SMAD1: variants seen among roughly 807,000 people sequenced by gnomAD.
SMAD1 encodes MAD, mothers against decapentaplegic homolog 1.
In SMAD1, 6 loss-of-function variants were observed where a neutral mutation model predicts 41.6. The ratio of observed to expected loss-of-function variants is 0.14; its 90% CI spans 0.08 to 0.28. The LOEUF is 0.28. Ranked by LOEUF, SMAD1 falls within the 10% of genes least tolerant of loss-of-function variation. The probability of loss-of-function intolerance (pLI) is 1.00; values close to 1 mark genes in which losing one functional copy is unlikely to be tolerated. For synonymous variants in SMAD1, 206 were observed against 203.2 expected, an observed-to-expected ratio of 1.01 and a Z score of -0.12; for missense variants, 379 against 582.6, an observed-to-expected ratio of 0.65 and a Z score of 3.60.
At chr4:145,511,732 C>T (rs1421237042) in intron 1 of SMAD1, among the ~76,000 whole-genome samples, 3 of 152,286 alleles carry the variant, frequency 2.0e-5, no homozygotes, top group Admixed American at 6.5e-5. Context: ...CTTCATATAT[C>T]TCTTTTTGCT....
intron 1 of SMAD1, chr4:145,497,194 C>T (rs1729127631): frequency 6.6e-6 from 1 of 152,196 alleles, no homozygotes; most frequent in African/African-American, 2.4e-5. Flanking sequence ...AGTAAGGCTG[C>T]TTTGGATTAT....
At chr4:145,490,442 T>C (rs1728711639) in intron 1 of SMAD1, among the ~76,000 whole-genome samples, 1 of 152,154 alleles carries the variant, frequency 6.6e-6, no homozygotes, top group Non-Finnish European at 1.5e-5. Flanking sequence ...AGGCAATCTA[T>C]AGAGAAGTCA....
In SMAD1 at chr4:145,557,802, A is replaced by G. The variant is rs778392472; in HGVS notation, c.1266A>G (p.Ala422=). The change falls in exon 7 of 7, where the codon GCA becomes GCG. Residue 422 remains alanine (A), a synonymous_variant. Transcript: ENST00000302085. The stretch of plus-strand genomic sequence containing the variant: ...TATGTTTTTCCTAGGGCTGGGGAGC[A>G]GAATACCACCGCCAGGATGTTACTA... ...IRMSFVKGWG[A]EYHRQDVTST... is the part of the protein sequence containing the mutation. 3.7e-6 allele frequency: 6 copies of G among 1,607,786 alleles called. No homozygotes were observed. The Admixed American group carries it at 5.0e-5, about 13-fold the overall frequency.
rs1578811738 is a variant in SMAD1, at chr4:145,539,853, C to T, written c.450C>T (p.His150=). The T allele has an allele frequency of 6.2e-7, 1 of 1,614,094 alleles. No homozygotes were observed. The change falls in exon 3 of 7, where the codon CAC becomes CAT. Residue 150 remains histidine (H), a synonymous_variant. Coordinates refer to ENST00000302085, the MANE Select transcript of SMAD1 (RefSeq NM_005900.3). ...GACACAGCGAATATAATCCTCAGCA[C>T]AGCCTCTTAGCTCAGTTCCGTAACT... is the stretch of plus-strand genomic sequence containing the variant. ...VPRHSEYNPQ[H]SLLAQFRNLG... is the part of the protein sequence containing the mutation.
At chr4:145,501,647 T>C (rs1300686782) in intron 1 of SMAD1, among the ~76,000 whole-genome samples, 2 of 152,120 alleles carry the variant, frequency 1.3e-5, no homozygotes, top group African/African-American at 4.8e-5. Context: ...GTTTCTTTTT[T>C]TTTTTTTAAA....
At chr4:145,533,212 C>G (rs927403180) in intron 2 of SMAD1, among the ~76,000 whole-genome samples, 1 of 152,184 alleles carries the variant, frequency 6.6e-6, no homozygotes, top group African/African-American at 2.4e-5. Context: ...GGCAGCTGTT[C>G]CAGACCTGTC....
Position 145,482,223 on chromosome 4 carries a change from A to ACCCC in SMAD1, c.-177+194_-177+197dup, listed in dbSNP as rs1190001940. Among the ~76,000 whole-genome samples the ACCCC allele has an allele frequency of 9.5e-6, 1 of 105,464 alleles. No individual in the cohort carries two copies. The highest frequency in any genetic ancestry group is 3.2e-5 in the African/African-American group (1 of 30,910). The allele number at this position is 105,464 out of a possible 152,430, so 69.2% of individuals were successfully genotyped here. A position where few individuals can be genotyped will look rare whatever the true frequency, so the allele number is the denominator to read the frequency against. The stretch of plus-strand genomic sequence containing the variant: ...CTCTTTCTGCGCGGGGCGGGCCGCG[A>ACCCC]CCCCCCCCCCCCATGATGGCGCCTC... On this transcript the variant is annotated intron_variant, in intron 1 of 6. Coordinates refer to ENST00000302085, the MANE Select transcript of SMAD1 (RefSeq NM_005900.3). This position sits in a 1 kb window ranked among gnomAD's most constrained non-coding sequence, Gnocchi z 4.2.
rs771337852 is a variant in SMAD1 at position 145,546,726 on chromosome 4, G to C, written c.799G>C (p.Glu267Gln). 2.5e-6 allele frequency: 4 copies of C among 1,613,286 alleles called. No individual in the cohort carries two copies. The highest frequency in any genetic ancestry group is 1.3e-5 in the African/African-American group (1 of 74,882). Residue 267 changes from glutamate (E) to glutamine (Q), a missense_variant, in exon 5 of 7, where the codon GAA (glutamate) becomes CAA (glutamine). Glu to Gln is a conservative substitution (Grantham distance 29, BLOSUM62 2). Coordinates refer to ENST00000302085, the MANE Select transcript of SMAD1 (RefSeq NM_005900.3). ...AGATGTTCAGGCGGTTGCTTATGAG[G>C]AACCAAAACACTGGTGCTCTATTGT... ...RGDVQAVAYEEPKHWCSIVYY... is the reference protein window; with the variant it reads ...RGDVQAVAYEQPKHWCSIVYY...
chr4:145,501,561 T>C (rs1479495501), intron 1 of SMAD1, among the ~76,000 whole-genome samples: 1 of 152,176 alleles, frequency 6.6e-6, no homozygotes, highest in Admixed American at 6.5e-5. Flanking sequence ...TGCATGTTTG[T>C]TGTCATAAAC....
At chr4:145,485,080 T>C (rs999714754) in intron 1 of SMAD1, among the ~76,000 whole-genome samples, 1 of 152,194 alleles carries the variant, frequency 6.6e-6, no homozygotes, top group African/African-American at 2.4e-5. Flanking sequence ...TATTATTCTA[T>C]TTTTTTGAGA....
chr4:145,499,551 G>T (rs993544116), intron 1 of SMAD1, among the ~76,000 whole-genome samples: 2 of 152,110 alleles, frequency 1.3e-5, no homozygotes, highest in Non-Finnish European at 2.9e-5. Flanking sequence ...AACCTGGGAG[G>T]TCTAGGCTGC....
intron 1 of SMAD1, among the ~76,000 whole-genome samples, chr4:145,509,381 C>T (rs148903740): frequency 0.01 from 1,555 of 152,130 alleles, 34 homozygotes; most frequent in African/African-American, 0.035. Flanking sequence ...GAATGAATGT[C>T]GATTTGAATA....
intron 1 of SMAD1, among the ~76,000 whole-genome samples, chr4:145,507,209 C>T (rs577175047): frequency 6.1e-5 from 9 of 148,682 alleles, no homozygotes; most frequent in Admixed American, 6.7e-5. Context: ...ATATTTGCTT[C>T]GAAAACCTTT....
chr4:145,549,454 GAC>G (rs1360074629), intron 5 of SMAD1, among the ~76,000 whole-genome samples: 1 of 152,028 alleles, frequency 6.6e-6, no homozygotes, highest in Non-Finnish European at 1.5e-5. Flanking sequence ...CATACATACA[GAC>G]AGACACACAC....
At chr4:145,552,489 A>G (rs1451089275) in intron 5 of SMAD1, among the ~76,000 whole-genome samples, 3 of 152,094 alleles carry the variant, frequency 2.0e-5, no homozygotes, top group African/African-American at 7.2e-5. Flanking sequence ...TTTTACCCCT[A>G]CTTTCCTTTT....
intron 2 of SMAD1, among the ~76,000 whole-genome samples, chr4:145,535,364 G>T (rs1487906829): frequency 6.6e-6 from 1 of 152,188 alleles, no homozygotes; most frequent in Admixed American, 6.5e-5. Flanking sequence ...ACCTTTGACA[G>T]TGCTACCATA....
At chr4:145,523,269 C>G (rs1483814727) in intron 2 of SMAD1, among the ~76,000 whole-genome samples, 2 of 152,168 alleles carry the variant, frequency 1.3e-5, no homozygotes, top group African/African-American at 4.8e-5. Context: ...GCGACTAACT[C>G]TTACACACTG....
At chr4:145,497,695 T>C (rs2289737) in intron 1 of SMAD1, 90,436 of 152,026 alleles carry the variant, frequency 0.59, 27,811 homozygotes, top group African/African-American at 0.72. Flanking sequence ...CAGATAAGAC[T>C]GTACTGAACA....
At chr4:145,536,235 G>T (rs1019526602) in intron 2 of SMAD1, among the ~76,000 whole-genome samples, 2 of 151,866 alleles carry the variant, frequency 1.3e-5, no homozygotes, top group Admixed American at 6.6e-5. Flanking sequence ...GTACACACAC[G>T]CACACACACA....
Sources: allele counts gnomAD v4.1 joint callset (sites outside exome capture counted in the v4.1 genomes callset), GRCh38; gene constraint gnomAD v4.1.1; non-coding constraint Gnocchi (gnomAD v3.1); transcripts MANE v1.5; gene names NCBI Gene and HGNC (gene_info 2026-07-23, HGNC 2026-07-21).